ADAR: variants seen among roughly 807,000 people sequenced by gnomAD.
The protein encoded by ADAR is adenosine deaminase RNA specific.
Under a neutral mutation model 113.2 loss-of-function variants are expected in ADAR, and 41 were observed. The observed-to-expected ratio is 0.36, with a 90% CI of 0.28 to 0.47. ADAR has a LOEUF of 0.47. Ranked by LOEUF, ADAR falls within the 20% of genes least tolerant of loss-of-function variation. The probability of loss-of-function intolerance (pLI) is 1.00; values close to 1 mark genes in which losing one functional copy is unlikely to be tolerated. For missense variants in ADAR, 1,242 were observed against 1,540.9 expected, an observed-to-expected ratio of 0.81 and a Z score of 3.25; for synonymous variants, 605 against 572.6, an observed-to-expected ratio of 1.06 and a Z score of -0.81.
chr1:154,604,973 A>AATT (rs1698099887), intron 1 of ADAR, among the ~76,000 whole-genome samples: 1 of 152,156 alleles, frequency 6.6e-6, no homozygotes, highest in South Asian at 2.1e-4. Flanking sequence ...CCAAATTAAT[A>AATT]GTTCCCTCAA....
Position 154,583,276 on chromosome 1 carries a change from T to G in ADAR, c.*1530A>C, listed in dbSNP as rs1028732284. The G allele has an allele frequency of 1.3e-5, 2 of 152,266 alleles. No homozygotes were observed. The highest frequency in any genetic ancestry group is 4.8e-5 in the African/African-American group (2 of 41,444). The allele number at this position is 152,266 out of a possible 1,614,324, so 9.4% of individuals were successfully genotyped here. The stretch of plus-strand genomic sequence containing the variant: ...GCAGCCATCACCACGGCACCAAGTC[T>G]ATGCTTGGGCTCTTCCCTGCTCTGC... On this transcript the variant is annotated 3_prime_UTR_variant, in exon 15 of 15. Transcript: ENST00000368474.
intron 6 of ADAR, among the ~76,000 whole-genome samples, chr1:154,590,789 A>T (rs1697093493): frequency 1.7e-5 from 2 of 117,280 alleles, no homozygotes; most frequent in African/African-American, 5.4e-5. Flanking sequence ...TGTCTCTTAA[A>T]AAAAAAAAAA....
At chr1:154,615,989 A>G (rs1338744183) in intron 1 of ADAR, among the ~76,000 whole-genome samples, 1 of 152,146 alleles carries the variant, frequency 6.6e-6, no homozygotes, top group Non-Finnish European at 1.5e-5. Context: ...TCTTCTCGAC[A>G]CAGCTTGTGT....
chr1:154,602,715 G>A, intron 1 of ADAR, 89 bp from the exon 2 acceptor site: 1 of 1,514,782 alleles, frequency 6.6e-7, no homozygotes, highest in Non-Finnish European at 9.0e-7. Flanking sequence ...CTGTGGAACA[G>A]CCCTTGAAGG....
Position 154,621,339 on chromosome 1 carries a change from A to T in ADAR, c.-871+6516T>A, listed in dbSNP as rs558407849. Among the ~76,000 whole-genome samples the T allele has an allele frequency of 2.6e-5, 4 of 152,260 alleles. No individual in the cohort carries two copies. In the South Asian group the frequency reaches 8.3e-4, roughly 32 times the overall value. On this transcript the variant is annotated intron_variant, in intron 1 of 14. Transcript: ENST00000368471. The stretch of plus-strand genomic sequence containing the variant: ...AGGAAAAAAACCTTTTTATGCTCAC[A>T]AGCAAAAGAAATCAAAAAGAATAAA...
chr1:154,598,109 G>A (rs1697625358), intron 3 of ADAR, 133 bp from the exon 4 acceptor site: 1 of 1,058,320 alleles, frequency 9.4e-7, no homozygotes. Context: ...AGTTAAAGGG[G>A]CTGCTGGAGC....
chr1:154,590,091 G>C, intron 7 of ADAR, 93 bp downstream of exon 7: 2 of 1,508,182 alleles, frequency 1.3e-6, no homozygotes, highest in Non-Finnish European at 1.8e-6. Flanking sequence ...GTAAAGCCTA[G>C]GAATAACTCG....
At position 154,596,764 on chromosome 1, in the gene ADAR, C is replaced by T. The variant is rs530353284; in HGVS notation, c.2270+41G>A. The T allele has an allele frequency of 3.1e-6, 5 of 1,609,492 alleles. No individual in the cohort carries two copies. The South Asian group carries it at 4.4e-5, about 14-fold the overall frequency. Reference sequence around the variant, plus strand: ...TTTTCCCTGGGTTACAGACCATCCCCAACTGGTGACACATGCATTAGCCAG... The same window carrying T: ...TTTTCCCTGGGTTACAGACCATCCCTAACTGGTGACACATGCATTAGCCAG... On this transcript the variant is annotated intron_variant, in intron 6 of 14. Coordinates refer to ENST00000368474, the MANE Select transcript of ADAR (RefSeq NM_001111.5).
At chr1:154,595,960 A>C (rs1697463035) in intron 6 of ADAR, among the ~76,000 whole-genome samples, 1 of 152,138 alleles carries the variant, frequency 6.6e-6, no homozygotes, top group African/African-American at 2.4e-5. Context: ...AATACTTACC[A>C]GTGTGTTGCA....
intron 1 of ADAR, among the ~76,000 whole-genome samples, chr1:154,607,643 G>A (rs1417767196): frequency 6.6e-6 from 1 of 152,118 alleles, no homozygotes; most frequent in East Asian, 1.9e-4. Flanking sequence ...CCCTCTTCAC[G>A]CACTGCTCCA....
At position 154,602,625 on chromosome 1, in the gene ADAR, C is replaced by G; in HGVS notation, c.17G>C (p.Gly6Ala). The G allele has an allele frequency of 1.2e-6, 2 of 1,613,820 alleles. No individual in the cohort carries two copies. The highest frequency in any genetic ancestry group is 1.7e-4 in the Middle Eastern group (1 of 5,912). Reference protein sequence around the residue: MNPRQGYSLSGYYTHP... With the variant: MNPRQAYSLSGYYTHP... ...GGTGTAGTATCCGCTGAGGGAATACCCCTGCAGAATAAGACAGTGGAAAAA... is the reference window on the plus strand; with the variant it reads ...GGTGTAGTATCCGCTGAGGGAATACGCCTGCAGAATAAGACAGTGGAAAAA... Residue 6 changes from glycine to alanine, a missense_variant and splice_region_variant, in exon 2 of 15, where the codon GGG becomes GCG. Gly to Ala is a moderately conservative substitution (Grantham distance 60). Coordinates refer to ENST00000368474, the MANE Select transcript of ADAR (RefSeq NM_001111.5).
Position 154,597,316 on chromosome 1 carries a change from G to A in ADAR, c.1935-49C>T, listed in dbSNP as rs972902594. The A allele has an allele frequency of 3.1e-6, 5 of 1,609,692 alleles. No individual in the cohort carries two copies. The African/African-American group carries it at 4.0e-5, about 13-fold the overall frequency. ...AAGGATTAAAATGGTTTTGACTGAG[G>A]AGCCTGACCTAGCCTCTGCCAGGCT... is the stretch of plus-strand genomic sequence containing the variant. On this transcript the variant is annotated intron_variant, in intron 4 of 14. Coordinates refer to ENST00000368474, the MANE Select transcript of ADAR (RefSeq NM_001111.5).
chr1:154,589,118 A>AGAGTTAGAAAAGAACATG, intron 9 of ADAR, among the ~76,000 whole-genome samples: 1 of 152,370 alleles, frequency 6.6e-6, no homozygotes, highest in South Asian at 2.1e-4. Context: ...AAAGAACATG[A>AGAGTTAGAAAAGAACATG]AGCAGCAGAG....
intron 1 of ADAR, among the ~76,000 whole-genome samples, chr1:154,606,833 C>A (rs1425537788): frequency 6.6e-6 from 1 of 152,058 alleles, no homozygotes; most frequent in Admixed American, 6.5e-5. Context: ...GCACTACCCC[C>A]TTTGCCTTTA....
intron 1 of ADAR, among the ~76,000 whole-genome samples, chr1:154,626,623 A>G (rs1698945416): frequency 6.6e-6 from 1 of 152,172 alleles, no homozygotes; most frequent in African/African-American, 2.4e-5. Context: ...AGCAAGTCCA[A>G]GCTCCTGGGT....
chr1:154,610,824 G>GAAAAAAAAAAAAAAA (rs1298389364), upstream of ADAR, among the ~76,000 whole-genome samples: 4 of 65,204 alleles, frequency 6.1e-5, no homozygotes, highest in Non-Finnish European at 1.1e-4. Context: ...AAAAAAAAAA[G>GAAAAAAAAAAAAAAA]AAAAAAAAAA....
At chr1:154,603,226 GC>G (rs1292033857) in intron 1 of ADAR, among the ~76,000 whole-genome samples, 3 of 152,118 alleles carry the variant, frequency 2.0e-5, no homozygotes, top group African/African-American at 4.8e-5. Flanking sequence ...GTCCTCCAAG[GC>G]TGTAACAGCG....
At chr1:154,590,597 C>T (rs1697079547) in intron 6 of ADAR, among the ~76,000 whole-genome samples, 188 bp from the exon 7 acceptor site, 1 of 152,082 alleles carries the variant, frequency 6.6e-6, no homozygotes, top group African/African-American at 2.4e-5. Context: ...GTGCCACATC[C>T]AGGTATTACT....
chr1:154,605,345 C>T (rs1163348401), intron 1 of ADAR, among the ~76,000 whole-genome samples: 1 of 152,150 alleles, frequency 6.6e-6, no homozygotes, highest in Non-Finnish European at 1.5e-5. Flanking sequence ...CTGACTCCCA[C>T]CTTCTTCAGC....
Sources: gnomAD v4.1 joint callset for allele counts (sites outside exome capture counted in the v4.1 genomes callset) on GRCh38, gnomAD v4.1.1 for gene constraint, MANE v1.5 for transcripts, NCBI Gene and HGNC (gene_info 2026-07-23, HGNC 2026-07-21) for gene names.